The following NAALADL2 variants were observed in gnomAD, a reference collection of about 807,000 sequenced individuals.
The protein encoded by NAALADL2 is inactive N-acetylated-alpha-linked acidic dipeptidase-like protein 2.
A neutral mutation model predicts 87.2 loss-of-function variants in NAALADL2; 76 were observed. That is an observed-to-expected ratio of 0.87 (90% CI 0.72 to 1.05). The LOEUF is 1.05. Among genes scored for constraint, NAALADL2 ranks in the 50% least tolerant of loss-of-function variants. NAALADL2 has a pLI of 0.00. For synonymous variants in NAALADL2, 354 were observed against 331.0 expected, an observed-to-expected ratio of 1.07 and a Z score of -0.75; for missense variants, 1,089 against 945.8, an observed-to-expected ratio of 1.15 and a Z score of -1.99.
chr3:174,534,721 TC>T (rs1441796094), intron 1 of NAALADL2, among the ~76,000 whole-genome samples: 2 of 152,132 alleles, frequency 1.3e-5, no homozygotes, highest in Admixed American at 1.3e-4. Context: ...TATGTTTGAG[TC>T]TAATCAGGAT....
chr3:175,523,824 C>A (rs1733014589), intron 9 of NAALADL2, among the ~76,000 whole-genome samples: 1 of 152,046 alleles, frequency 6.6e-6, no homozygotes, highest in Non-Finnish European at 1.5e-5. Context: ...CAGGGTGGAG[C>A]AGGTAATTGA....
intron 2 of NAALADL2, among the ~76,000 whole-genome samples, chr3:174,654,309 T>A (rs540945): frequency 0.17 from 26,454 of 152,104 alleles, 2,653 homozygotes; most frequent in South Asian, 0.25. Flanking sequence ...AAATGACATT[T>A]GACTTTTCAA....
At chr3:174,847,442 G>C (rs1359283836) in intron 3 of NAALADL2, among the ~76,000 whole-genome samples, 1 of 152,004 alleles carries the variant, frequency 6.6e-6, no homozygotes, top group Admixed American at 6.6e-5. Context: ...TCCTATTGAT[G>C]GCTTTATTAT....
chr3:174,869,305 G>C (rs1164761762), intron 1 of NAALADL2, among the ~76,000 whole-genome samples: 2 of 151,796 alleles, frequency 1.3e-5, no homozygotes, highest in Admixed American at 1.3e-4. Context: ...GGAGAAAGAA[G>C]AGTGGAAAAA....
rs939172821 is a variant in NAALADL2 at position 175,804,510 on chromosome 3, T to A, written c.*1307T>A. 1 of 151,884 alleles carries A rather than the reference T, an allele frequency of 6.6e-6. No individual in the cohort carries two copies. Among genetic ancestry groups the A allele is most frequent in the African/African-American group, 2.4e-5 (1 of 41,406 alleles). The allele number at this position is 151,884 out of a possible 1,614,324, so 9.4% of individuals were successfully genotyped here. ...TGTCAGGTTAAAGTTCTAATTTATC[T>A]TTAGAAATTTATGTGAAAAATGGTT... is the stretch of plus-strand genomic sequence containing the variant. On this transcript the variant is annotated 3_prime_UTR_variant, in exon 14 of 14. Coordinates refer to ENST00000454872, the MANE Select transcript of NAALADL2 (RefSeq NM_207015.3).
chr3:175,395,896 G>A (rs531112779), intron 5 of NAALADL2, among the ~76,000 whole-genome samples: 1 of 152,122 alleles, frequency 6.6e-6, no homozygotes, highest in African/African-American at 2.4e-5. Context: ...CTGACTTCAA[G>A]AAATATATGA....
At chr3:174,494,316 C>T (rs1718383562) in intron 1 of NAALADL2, among the ~76,000 whole-genome samples, 1 of 151,986 alleles carries the variant, frequency 6.6e-6, no homozygotes. Context: ...CTTTTTACAA[C>T]ATTGATTCTA....
rs1328513300 is a variant in NAALADL2, at chr3:174,797,292, G to GTTTTTCT, written c.-9+59559_-9+59565dup. Among the ~76,000 whole-genome samples the GTTTTTCT allele has an allele frequency of 3.3e-4, 36 of 109,656 alleles. 1 individual carries two copies. The highest frequency in any genetic ancestry group is 8.0e-4 in the African/African-American group (21 of 26,180). The allele number at this position is 109,656 out of a possible 152,430, so 71.9% of individuals were successfully genotyped here. ...TTATTTCTGGGATCTTTTTTCTTTT[G>GTTTTTCT]TTTTTCTTTTTTCTTTTTTTTTTTT... On this transcript the variant is annotated intron_variant, in intron 3 of 3. Coordinates refer to the NAALADL2 transcript ENST00000434257.
chr3:175,645,314 A>G (rs1729849358), intron 11 of NAALADL2, among the ~76,000 whole-genome samples: 1 of 152,144 alleles, frequency 6.6e-6, no homozygotes, highest in Non-Finnish European at 1.5e-5. Flanking sequence ...TGGACACAAC[A>G]TTGGTTGAAG....
At chr3:175,643,663 T>G (rs1479834891) in intron 11 of NAALADL2, among the ~76,000 whole-genome samples, 1 of 152,172 alleles carries the variant, frequency 6.6e-6, no homozygotes, top group African/African-American at 2.4e-5. Context: ...TACAATCACT[T>G]AGAATTGGTG....
At chr3:174,938,387 G>A (rs1485255422) in intron 1 of NAALADL2, among the ~76,000 whole-genome samples, 1 of 151,996 alleles carries the variant, frequency 6.6e-6, no homozygotes, top group Non-Finnish European at 1.5e-5. Context: ...CGTATCGCAT[G>A]GTATAAATGT....
chr3:175,288,983 A>G (rs1755315110), intron 4 of NAALADL2, among the ~76,000 whole-genome samples: 1 of 152,126 alleles, frequency 6.6e-6, no homozygotes, highest in Non-Finnish European at 1.5e-5. Flanking sequence ...AAATAAGGAG[A>G]GCTGAAAAAC....
chr3:174,964,463 A>C (rs535288223), intron 1 of NAALADL2, among the ~76,000 whole-genome samples: 1 of 152,236 alleles, frequency 6.6e-6, no homozygotes, highest in Admixed American at 6.6e-5. Flanking sequence ...TATTGGATAA[A>C]ATCACCTTTG....
intron 9 of NAALADL2, among the ~76,000 whole-genome samples, chr3:175,473,878 T>C (rs1004182299): frequency 6.6e-6 from 1 of 152,156 alleles, no homozygotes; most frequent in African/African-American, 2.4e-5. Context: ...ACAAAGATAT[T>C]TCATTAATTT....
At chr3:175,039,294 G>A (rs1429386798) in intron 1 of NAALADL2, among the ~76,000 whole-genome samples, 1 of 152,094 alleles carries the variant, frequency 6.6e-6, no homozygotes, top group Non-Finnish European at 1.5e-5. Flanking sequence ...AGCCTCCTGA[G>A]TAGCTGGAAC....
chr3:175,136,316 C>A (rs1184138004), intron 2 of NAALADL2, among the ~76,000 whole-genome samples: 1 of 152,142 alleles, frequency 6.6e-6, no homozygotes, highest in African/African-American at 2.4e-5. Context: ...AGCAGTTTAT[C>A]ACTGTTTCAT....
chr3:174,823,097 G>A (rs1354521397), intron 3 of NAALADL2, among the ~76,000 whole-genome samples: 3 of 152,110 alleles, frequency 2.0e-5, no homozygotes, highest in Admixed American at 6.6e-5. Context: ...TTCTATATTT[G>A]TAGATACGTG....
At chr3:174,851,726 C>G (rs1367290590) in intron 3 of NAALADL2, among the ~76,000 whole-genome samples, 1 of 152,198 alleles carries the variant, frequency 6.6e-6, no homozygotes, top group East Asian at 1.9e-4. Context: ...ATTTCAAACT[C>G]TTTCTACAAG....
rs1184975953 is a variant in NAALADL2, at chr3:175,809,466, CAT to C, written c.*6264_*6265del. On this transcript the variant is annotated 3_prime_UTR_variant, in exon 14 of 14. Transcript: ENST00000454872. ...GCAGGACTAATTTTTTTTTAATAGA[CAT>C]CCAGAAAATAGCCTGGGCAACAAAG... The C allele has an allele frequency of 1.2e-5, 1 of 82,966 alleles. No homozygotes were observed. Among genetic ancestry groups the C allele is most frequent in the Non-Finnish European group, 2.3e-5 (1 of 44,036 alleles). 5.1% of individuals were successfully genotyped at this position (82,966 alleles called of 1,614,324 possible). A position where few individuals can be genotyped will look rare whatever the true frequency, so the allele number is the denominator to read the frequency against.
Sources: gnomAD v4.1 joint callset for allele counts (sites outside exome capture counted in the v4.1 genomes callset) on GRCh38, gnomAD v4.1.1 for gene constraint, MANE v1.5 for transcripts, NCBI Gene and HGNC (gene_info 2026-07-23, HGNC 2026-07-21) for gene names.